The following RMST variants were observed in gnomAD, a reference collection of about 807,000 sequenced individuals.
RMST encodes long intergenic non-protein coding RNA 54.
chr12:97,552,347 C>A (rs1286939619), intron 11 of RMST: 4 of 152,118 alleles, frequency 2.6e-5, no homozygotes, highest in African/African-American at 9.7e-5. Context: ...ATAAAATTAG[C>A]CAATTAACCT....
chr12:97,524,994 C>T lies in RMST; in HGVS notation n.1341-5661C>T, dbSNP rs1314728027. 4.6e-5 allele frequency among the ~76,000 whole-genome samples: 7 copies of T among 152,230 alleles called. No individual in the cohort carries two copies. In the East Asian group the frequency reaches 7.7e-4, roughly 17 times the overall value. ...TGGCATCTTAAGCCCCATTAGAGGC[C>T]CTTAGCCCTGGGCATTCTACTGGCA... On this transcript the variant is annotated intron_variant and non_coding_transcript_variant, in intron 10 of 13. Coordinates refer to ENST00000640149, the Ensembl canonical transcript of RMST.
chr12:97,549,287 A>T (rs1443445537), intron 11 of RMST, among the ~76,000 whole-genome samples: 1 of 152,218 alleles, frequency 6.6e-6, no homozygotes, highest in East Asian at 1.9e-4. Flanking sequence ...TTTTGTATAA[A>T]TATGTATTCA....
At chr12:97,478,657 C>A (rs1874844566) in intron 5 of RMST, among the ~76,000 whole-genome samples, 1 of 152,164 alleles carries the variant, frequency 6.6e-6, no homozygotes. Context: ...TGTGCCCATA[C>A]ACCTATCATA....
At chr12:97,560,763 T>C (rs557158076) in intron 12 of RMST, 1 of 152,290 alleles carries the variant, frequency 6.6e-6, no homozygotes, top group South Asian at 2.1e-4. Context: ...TATAAAGATA[T>C]CTATAAAGTT....
At chr12:97,512,741 G>C (rs949060881) in intron 10 of RMST, among the ~76,000 whole-genome samples, 1 of 152,222 alleles carries the variant, frequency 6.6e-6, no homozygotes, top group African/African-American at 2.4e-5. Flanking sequence ...ATCCCGCACC[G>C]GGGCTGCAGG....
intron 11 of RMST, among the ~76,000 whole-genome samples, chr12:97,548,088 G>A (rs1399900892): frequency 6.6e-6 from 1 of 151,986 alleles, no homozygotes; most frequent in African/African-American, 2.4e-5. Flanking sequence ...TTTGAAATAA[G>A]AGCCTACTTT....
chr12:97,553,365 T>C (rs1467758131), intron 11 of RMST, among the ~76,000 whole-genome samples: 1 of 152,172 alleles, frequency 6.6e-6, no homozygotes, highest in Non-Finnish European at 1.5e-5. Context: ...CAAAGATAAT[T>C]CAAATAGAAA....
At chr12:97,549,990 G>A (rs935222386) in intron 11 of RMST, among the ~76,000 whole-genome samples, 4 of 152,182 alleles carry the variant, frequency 2.6e-5, no homozygotes, top group African/African-American at 7.2e-5. Context: ...TATATGCCAA[G>A]AGGCCACAAC....
chr12:97,555,402 A>G (rs894919609), intron 11 of RMST, among the ~76,000 whole-genome samples: 8 of 152,136 alleles, frequency 5.3e-5, no homozygotes, highest in Admixed American at 5.2e-4. Context: ...ATGGTGTTTC[A>G]TTTTAAATAT....
intron 5 of RMST, among the ~76,000 whole-genome samples, chr12:97,470,979 T>C (rs1873842428): frequency 6.6e-6 from 1 of 152,108 alleles, no homozygotes; most frequent in Non-Finnish European, 1.5e-5. Flanking sequence ...ACAGTACTTG[T>C]GGTTAATTTT....
chr12:97,520,757 G>A (rs1233733520), intron 10 of RMST, among the ~76,000 whole-genome samples: 1 of 152,112 alleles, frequency 6.6e-6, no homozygotes, highest in Non-Finnish European at 1.5e-5. Context: ...ATAAAAAATG[G>A]GAACTGCCAA....
At chr12:97,549,754 T>G (rs1215038915) in intron 11 of RMST, among the ~76,000 whole-genome samples, 1 of 152,198 alleles carries the variant, frequency 6.6e-6, no homozygotes, top group African/African-American at 2.4e-5. Context: ...CTTTACTATC[T>G]GTCAGCAGAG....
chr12:97,523,922 A>G (rs1880780256), intron 10 of RMST, among the ~76,000 whole-genome samples: 1 of 151,634 alleles, frequency 6.6e-6, no homozygotes, highest in Admixed American at 6.6e-5. Context: ...CTAAAAATAC[A>G]AAAATTAGCC....
intron 10 of RMST, among the ~76,000 whole-genome samples, chr12:97,513,697 C>T (rs900715220): frequency 6.6e-6 from 1 of 152,178 alleles, no homozygotes; most frequent in Non-Finnish European, 1.5e-5. Flanking sequence ...ATTTTAAACA[C>T]ACCCATATTC....
chr12:97,486,790 A>G (rs2136437136), intron 5 of RMST, among the ~76,000 whole-genome samples: 1 of 152,348 alleles, frequency 6.6e-6, no homozygotes, highest in Middle Eastern at 3.4e-3. Flanking sequence ...TGACATTGCC[A>G]TTTAATAAAC....
At chr12:97,469,416 A>G (rs936031971) in intron 5 of RMST, among the ~76,000 whole-genome samples, 1 of 151,886 alleles carries the variant, frequency 6.6e-6, no homozygotes, top group Non-Finnish European at 1.5e-5. Flanking sequence ...CTTCCTTCCA[A>G]TGCTTCCTGT....
At chr12:97,535,622 A>G (rs1041746613) in intron 11 of RMST, among the ~76,000 whole-genome samples, 22 of 151,676 alleles carry the variant, frequency 1.5e-4, no homozygotes, top group African/African-American at 5.3e-4. Flanking sequence ...GAGCTGGTGA[A>G]GCCTTTCCTT....
chr12:97,532,398 G>A (rs773729140), intron 11 of RMST, among the ~76,000 whole-genome samples: 3 of 151,822 alleles, frequency 2.0e-5, no homozygotes, highest in Admixed American at 6.6e-5. Context: ...AGTAAGTTTT[G>A]TATGCAGTAA....
intron 10 of RMST, among the ~76,000 whole-genome samples, chr12:97,524,650 A>G (rs1880906168): frequency 1.3e-5 from 2 of 152,310 alleles, no homozygotes; most frequent in South Asian, 2.1e-4. Context: ...AATTGAGGCA[A>G]CAGGTTGCCT....
Sources: gnomAD v4.1 joint callset for allele counts (sites outside exome capture counted in the v4.1 genomes callset) on GRCh38, gnomAD v4.1.1 for gene constraint, MANE v1.5 for transcripts, NCBI Gene and HGNC (gene_info 2026-07-23, HGNC 2026-07-21) for gene names.